THRAP3: variants seen among roughly 807,000 people sequenced by gnomAD.
The protein encoded by THRAP3 is thyroid hormone receptor-associated protein 3.
THRAP3 carries 16 observed loss-of-function variants against 101.0 expected under a neutral mutation model. That is an observed-to-expected ratio of 0.16 (90% CI 0.11 to 0.24). THRAP3 has a LOEUF of 0.24. THRAP3 is among the 10% of genes least tolerant of loss of function. The probability of loss-of-function intolerance (pLI) is 1.00; values close to 1 mark genes in which losing one functional copy is unlikely to be tolerated. For missense variants in THRAP3, 989 were observed against 1,202.7 expected (o/e 0.82, Z 2.63); for synonymous variants, 407 against 422.6 (o/e 0.96, Z 0.45).
rs554230601 is a variant in THRAP3 at position 36,259,543 on chromosome 1, C to T, written c.-32+59C>T. Reference sequence around the variant, plus strand: ...TCACTAATTTGTAAAACCAATCTTACGTTAAGAATTGATTATTTCGAGACC... The same window carrying T: ...TCACTAATTTGTAAAACCAATCTTATGTTAAGAATTGATTATTTCGAGACC... On this transcript the variant is annotated intron_variant, in intron 2 of 11. Transcript: ENST00000354618. 1.3e-5 allele frequency: 5 copies of T among 397,458 alleles called. No homozygotes were observed. In the Admixed American group the frequency reaches 2.2e-4, roughly 18 times the overall value. 24.6% of individuals were successfully genotyped at this position (397,458 alleles called of 1,614,324 possible).
At chr1:36,263,243 G>C (rs1008828494) in intron 2 of THRAP3, among the ~76,000 whole-genome samples, 1 of 151,978 alleles carries the variant, frequency 6.6e-6, no homozygotes, top group African/African-American at 2.4e-5. Flanking sequence ...GAGACTATAG[G>C]CACAAGCCAC....
At chr1:36,256,198 ATTATTATTATTGTTATTATTG>A (rs1645372466) in intron 1 of THRAP3, among the ~76,000 whole-genome samples, 1 of 117,508 alleles carries the variant, frequency 8.5e-6, no homozygotes. Context: ...GATTATTATT[ATTATTATTATTGTTATTATTG>A]TTATTATTAT....
At chr1:36,300,158 G>A (rs1314296577) in intron 9 of THRAP3, among the ~76,000 whole-genome samples, 1 of 152,142 alleles carries the variant, frequency 6.6e-6, no homozygotes, top group Non-Finnish European at 1.5e-5. Context: ...GCCCTAGTCT[G>A]TAATTTCCCC....
intron 1 of THRAP3, among the ~76,000 whole-genome samples, chr1:36,232,046 T>C (rs968301924): frequency 2.6e-5 from 4 of 151,858 alleles, no homozygotes; most frequent in Admixed American, 2.6e-4. Context: ...GCGAAACCCA[T>C]CTCTACTAAA....
rs796850928 is a variant in THRAP3, at chr1:36,305,318, C to T, written c.*1301C>T. On this transcript the variant is annotated 3_prime_UTR_variant, in exon 12 of 12. Transcript: ENST00000354618. ...AAATCTCCCTTAAAATTTGTTTCAACTCCTCCTGCAAATAAAATAAATGAA... is the reference window on the plus strand; with the variant it reads ...AAATCTCCCTTAAAATTTGTTTCAATTCCTCCTGCAAATAAAATAAATGAA... 1.3e-4 allele frequency: 24 copies of T among 190,628 alleles called. No homozygotes were observed. Among genetic ancestry groups the T allele is most frequent in the African/African-American group, 5.4e-4 (23 of 42,990 alleles). The allele number at this position is 190,628 out of a possible 1,614,324, so 11.8% of individuals were successfully genotyped here.
At chr1:36,294,228 A>T in intron 8 of THRAP3, 1 of 1,164,882 alleles carries the variant, frequency 8.6e-7, no homozygotes, top group Non-Finnish European at 1.1e-6. Flanking sequence ...ACTTTTTGTG[A>T]TATTTTTCTG....
chr1:36,303,739 G>C, intron 11 of THRAP3, 57 bp from the exon 12 acceptor site: 1 of 1,611,178 alleles, frequency 6.2e-7, no homozygotes, highest in Non-Finnish European at 8.5e-7. Context: ...GCAGAGAAGA[G>C]AGCTCTGGCC....
intron 1 of THRAP3, among the ~76,000 whole-genome samples, chr1:36,257,506 A>G (rs1645390489): frequency 6.6e-6 from 1 of 152,186 alleles, no homozygotes; most frequent in Non-Finnish European, 1.5e-5. Flanking sequence ...GGTTCAGGAG[A>G]TAGAGGCTGA....
At chr1:36,246,992 T>A (rs913386425) in intron 1 of THRAP3, among the ~76,000 whole-genome samples, 18 of 152,118 alleles carry the variant, frequency 1.2e-4, no homozygotes, top group African/African-American at 4.3e-4. Context: ...GGGCTTCAGT[T>A]TTCTCAAGGG....
chr1:36,302,145 C>G (rs1406568032), intron 11 of THRAP3, among the ~76,000 whole-genome samples: 1 of 152,224 alleles, frequency 6.6e-6, no homozygotes, highest in African/African-American at 2.4e-5. Context: ...TGGGGCTTCT[C>G]TCATCTAGGC....
intron 2 of THRAP3, among the ~76,000 whole-genome samples, chr1:36,274,639 T>G (rs1190337375): frequency 6.9e-6 from 1 of 145,346 alleles, no homozygotes; most frequent in Non-Finnish European, 1.5e-5. Flanking sequence ...TTTTTTTTTT[T>G]TTTTTTTTTT....
upstream of THRAP3, among the ~76,000 whole-genome samples, chr1:36,222,219 T>C (rs1644905806): frequency 6.6e-6 from 1 of 151,866 alleles, no homozygotes; most frequent in South Asian, 2.1e-4. Context: ...TAAGTAATAT[T>C]CTTTATTAAA....
chr1:36,305,273 C>A lies in THRAP3; in HGVS notation c.*1256C>A, dbSNP rs1412854580. ...TTAAGTTGGTTTTACTTGAATGATT[C>A]ATGTTTAGGGGGAAAATGAAAATCT... On this transcript the variant is annotated 3_prime_UTR_variant, in exon 12 of 12. Transcript: ENST00000354618. The A allele has an allele frequency of 4.9e-6, 1 of 205,264 alleles. No homozygotes were observed. Among genetic ancestry groups the A allele is most frequent in the South Asian group, 1.9e-4 (1 of 5,292 alleles). 12.7% of individuals were successfully genotyped at this position (205,264 alleles called of 1,614,324 possible). A position where few individuals can be genotyped will look rare whatever the true frequency, so the allele number is the denominator to read the frequency against.
chr1:36,225,524 T>C (rs1441051942), intron 1 of THRAP3: 1 of 152,206 alleles, frequency 6.6e-6, no homozygotes, highest in African/African-American at 2.4e-5. Flanking sequence ...AAAATAAAAA[T>C]CACTTAGCCA....
chr1:36,290,786 G>A lies in THRAP3; in HGVS notation c.1746-588G>A, dbSNP rs148895488. 1.8e-3 allele frequency among the ~76,000 whole-genome samples: 268 copies of A among 152,262 alleles called. 1 individual carries two copies. In the East Asian group the frequency reaches 0.03, roughly 17 times the overall value. ...TGGCCACAATTTTAGGGTTAAGGAAGGCAATACATCTACCCCTTGTCCCCT... is the reference window on the plus strand; with the variant it reads ...TGGCCACAATTTTAGGGTTAAGGAAAGCAATACATCTACCCCTTGTCCCCT... On this transcript the variant is annotated intron_variant, in intron 5 of 11. Coordinates refer to ENST00000354618, the MANE Select transcript of THRAP3 (RefSeq NM_005119.4).
the THRAP3 span, among the ~76,000 whole-genome samples, chr1:36,216,846 G>A: frequency 1.3e-5 from 2 of 152,100 alleles, no homozygotes; most frequent in Non-Finnish European, 2.9e-5. Flanking sequence ...ACAGGAGATG[G>A]GCCAGAATTG....
At chr1:36,297,293 A>G (rs573930717) in intron 9 of THRAP3, among the ~76,000 whole-genome samples, 13 of 152,278 alleles carry the variant, frequency 8.5e-5, no homozygotes, top group African/African-American at 2.4e-4. Context: ...TTGTGTGGCA[A>G]CATTCATGCC....
Position 36,301,598 on chromosome 1 carries a change from G to A in THRAP3, c.2548G>A (p.Gly850Arg). ...AGGCTGGGGCAGAGGCAACTACTCT[G>A]GGAACAATAACAACAACAGCAACAA... Reference protein sequence around the residue: ...GRGWGRGNYSGNNNNNSNNDF... With the variant: ...GRGWGRGNYSRNNNNNSNNDF... Residue 850 changes from glycine to arginine, a missense_variant, in exon 11 of 12, where the codon GGG becomes AGG. By Grantham distance (125) the Gly-to-Arg change is moderately radical. Transcript: ENST00000354618. The A allele has an allele frequency of 1.9e-6, 3 of 1,614,150 alleles. No homozygotes were observed. Among genetic ancestry groups the A allele is most frequent in the Non-Finnish European group, 1.7e-6 (2 of 1,180,016 alleles).
In THRAP3 at chr1:36,275,447, C is replaced by T. The variant is rs371367024; in HGVS notation, c.-31-7086C>T. ...CTAAAAATACAAAAAACTAGCCAGG[C>T]GTGGTGGTGGGCACCTGTAGTCCCA... is the stretch of plus-strand genomic sequence containing the variant. On this transcript the variant is annotated intron_variant, in intron 2 of 11. Coordinates refer to ENST00000354618, the MANE Select transcript of THRAP3 (RefSeq NM_005119.4). 7.3e-4 allele frequency among the ~76,000 whole-genome samples: 110 copies of T among 150,514 alleles called. 2 individuals are homozygous for T. The East Asian group carries it at 0.013, about 18-fold the overall frequency.
Sources: gnomAD v4.1 joint callset for allele counts (sites outside exome capture counted in the v4.1 genomes callset) on GRCh38, gnomAD v4.1.1 for gene constraint, MANE v1.5 for transcripts, NCBI Gene and HGNC (gene_info 2026-07-23, HGNC 2026-07-21) for gene names.